The following BNC2 variants were observed in gnomAD, a reference collection of about 807,000 sequenced individuals.
The protein encoded by BNC2 is basonuclin zinc finger protein 2.
BNC2 carries 20 observed loss-of-function variants against 76.3 expected under a neutral mutation model. That is an observed-to-expected ratio of 0.26 (90% CI 0.18 to 0.38). The LOEUF (loss-of-function observed/expected upper bound fraction) is 0.38, where lower values mean the gene tolerates loss of function less well. Ranked by LOEUF, BNC2 falls within the 10% of genes least tolerant of loss-of-function variation. The pLI is 1.00. For synonymous variants in BNC2, 582 were observed against 514.8 expected, an observed-to-expected ratio of 1.13 and a Z score of -1.77; for missense variants, 1,382 against 1,399.8, an observed-to-expected ratio of 0.99 and a Z score of 0.20.
chr9:16,848,810 A>C (rs926128147), intron 1 of BNC2, among the ~76,000 whole-genome samples: 1 of 152,182 alleles, frequency 6.6e-6, no homozygotes, highest in Non-Finnish European at 1.5e-5. Context: ...TTGAGTACCA[A>C]CATGTCCTAA....
chr9:16,798,445 T>C (rs1817706739), intron 1 of BNC2, among the ~76,000 whole-genome samples: 2 of 152,194 alleles, frequency 1.3e-5, no homozygotes, highest in Non-Finnish European at 2.9e-5. Flanking sequence ...AAGGAAAATA[T>C]TATTTGTATC....
At chr9:16,430,128 G>A in intron 6 of BNC2, 1 of 428,560 alleles carries the variant, frequency 2.3e-6, no homozygotes, top group Non-Finnish European at 4.7e-6. Context: ...CTGATGGAAA[G>A]TAATGGAAGA....
chr9:16,481,006 A>T (rs1822041483), intron 5 of BNC2, among the ~76,000 whole-genome samples: 1 of 152,204 alleles, frequency 6.6e-6, no homozygotes, highest in African/African-American at 2.4e-5. Context: ...CTTTATGTCT[A>T]GCTCAGGGAT....
intron 6 of BNC2, chr9:16,429,600 G>A (rs1292910861): frequency 1.1e-5 from 2 of 190,146 alleles, no homozygotes; most frequent in East Asian, 2.6e-4. Flanking sequence ...GATAATGCTG[G>A]CAAGAACAGT....
chr9:16,449,390 G>A (rs140796607), intron 5 of BNC2, among the ~76,000 whole-genome samples: 226 of 152,214 alleles, frequency 1.5e-3, no homozygotes, highest in African/African-American at 5.1e-3. Context: ...CGCTTTGACA[G>A]ATTACCTTGT....
chr9:16,841,920 C>A (rs1818839474), intron 1 of BNC2, among the ~76,000 whole-genome samples: 1 of 151,838 alleles, frequency 6.6e-6, no homozygotes, highest in African/African-American at 2.4e-5. Context: ...AGTGATTCTC[C>A]TGCCTCAGCC....
chr9:16,745,224 C>T (rs1012190128), intron 1 of BNC2, among the ~76,000 whole-genome samples: 4 of 152,238 alleles, frequency 2.6e-5, no homozygotes, highest in East Asian at 3.9e-4. Flanking sequence ...TGCGTAGGTA[C>T]GTGTGTGAAA....
rs56038950 is a variant in BNC2 at position 16,665,434 on chromosome 9, AAAAGAAAGAAAGAAAGAAAG to A, written c.330+62343_330+62362del. 9.3e-3 allele frequency among the ~76,000 whole-genome samples: 1,079 copies of A among 116,034 alleles called. 19 individuals carry two copies. The highest frequency in any genetic ancestry group is 0.026 in the African/African-American group (761 of 29,284). 76.1% of individuals were successfully genotyped at this position (116,034 alleles called of 152,430 possible). On this transcript the variant is annotated intron_variant, in intron 3 of 6. Coordinates refer to ENST00000380672, the MANE Select transcript of BNC2 (RefSeq NM_017637.6). The stretch of plus-strand genomic sequence containing the variant: ...AGAAAAGAAAGGAAAGAAAGGAAAG[AAAAGAAAGAAAGAAAGAAAG>A]AAAGAAAGAAAGAAAGAAAGAAAGA...
chr9:16,683,635 A>G (rs1822889707), intron 3 of BNC2, among the ~76,000 whole-genome samples: 1 of 152,266 alleles, frequency 6.6e-6, no homozygotes. Context: ...TGACATGGCA[A>G]GAATGAAAGC....
chr9:16,419,774 A>C, intron 6 of BNC2, 125 bp from the exon 7 acceptor site: 1 of 695,050 alleles, frequency 1.4e-6, no homozygotes, highest in Non-Finnish European at 2.5e-6. Flanking sequence ...ACTTCTAATT[A>C]CACCATTATA....
At chr9:16,699,692 AT>A (rs1823450856) in intron 3 of BNC2, among the ~76,000 whole-genome samples, 1 of 152,248 alleles carries the variant, frequency 6.6e-6, no homozygotes, top group South Asian at 2.1e-4. Context: ...CACAGGCATC[AT>A]TTACTTCTAA....
chr9:16,645,561 G>GAAT (rs1821600664), intron 3 of BNC2, among the ~76,000 whole-genome samples: 1 of 152,298 alleles, frequency 6.6e-6, no homozygotes, highest in East Asian at 1.9e-4. Flanking sequence ...GTGGGACTTA[G>GAAT]AATAGAATGT....
intron 5 of BNC2, among the ~76,000 whole-genome samples, chr9:16,460,619 T>A (rs933916058): frequency 6.6e-6 from 1 of 151,996 alleles, no homozygotes; most frequent in Non-Finnish European, 1.5e-5. Context: ...TGAGATTCTA[T>A]CAAAAAACCC....
At chr9:16,752,111 T>A (rs1247662133) in intron 1 of BNC2, among the ~76,000 whole-genome samples, 1 of 152,218 alleles carries the variant, frequency 6.6e-6, no homozygotes, top group Admixed American at 6.5e-5. Flanking sequence ...ACTGTTCTAA[T>A]AATTTCTTTT....
At chr9:16,718,456 T>C (rs750134471) in intron 3 of BNC2, among the ~76,000 whole-genome samples, 1 of 152,250 alleles carries the variant, frequency 6.6e-6, no homozygotes, top group African/African-American at 2.4e-5. Context: ...CCATGATTAC[T>C]TTCCAAAGTT....
intron 1 of BNC2, among the ~76,000 whole-genome samples, chr9:16,857,628 A>T (rs1563973967): frequency 6.6e-6 from 1 of 152,128 alleles, no homozygotes; most frequent in Non-Finnish European, 1.5e-5. Context: ...GTACGTAAAC[A>T]CTTATGATGA....
intron 1 of BNC2, among the ~76,000 whole-genome samples, chr9:16,807,730 A>C (rs1817947040): frequency 6.6e-6 from 1 of 152,172 alleles, no homozygotes; most frequent in African/African-American, 2.4e-5. Flanking sequence ...TTCATTGATT[A>C]ACATAAAGCT....
At position 16,419,502 on chromosome 9, in the gene BNC2, G is replaced by A. The variant is rs774762974; in HGVS notation, c.2787C>T (p.Leu929=). 1.4e-5 allele frequency: 22 copies of A among 1,613,972 alleles called. No homozygotes were observed. The highest frequency in any genetic ancestry group is 3.3e-4 in the Middle Eastern group (2 of 6,084). ...KIYGAQHPMG[L]DVREDASSPA... ...GAGAGGAGGCGTCTTCCCTGACATC[G>A]AGCCCCATGGGGTGCTGGGCACCAT... Residue 929 remains leucine, a synonymous_variant, in exon 7 of 7, where the codon CTC becomes CTT. Coordinates refer to ENST00000380672, the MANE Select transcript of BNC2 (RefSeq NM_017637.6).
At chr9:16,599,777 C>A (rs113032486) in intron 3 of BNC2, among the ~76,000 whole-genome samples, 2,364 of 152,120 alleles carry the variant, frequency 0.016, 94 homozygotes, top group South Asian at 0.15. Context: ...AGCGAGTCTC[C>A]ATGTCAAAAA....
Sources: gnomAD v4.1 joint callset for allele counts (sites outside exome capture counted in the v4.1 genomes callset) on GRCh38, gnomAD v4.1.1 for gene constraint, MANE v1.5 for transcripts, NCBI Gene and HGNC (gene_info 2026-07-23, HGNC 2026-07-21) for gene names.